The following NCKAP5 variants were observed in gnomAD, a reference collection of about 807,000 sequenced individuals.
The protein encoded by NCKAP5 is nck-associated protein 5.
In NCKAP5, 92 loss-of-function variants were observed where a neutral mutation model predicts 167.0. That is an observed-to-expected ratio of 0.55 (90% CI 0.47 to 0.66). NCKAP5 has a LOEUF of 0.66. NCKAP5 is among the 30% of genes least tolerant of loss of function. The pLI, the probability that NCKAP5 is intolerant of heterozygous loss-of-function variation, is 0.00. For synonymous variants in NCKAP5, 891 were observed against 877.4 expected (o/e 1.02, Z -0.27); for missense variants, 2,378 against 2,315.0 (o/e 1.03, Z -0.56).
chr2:132,890,363 G>T (rs1692596247), intron 8 of NCKAP5, among the ~76,000 whole-genome samples: 1 of 151,804 alleles, frequency 6.6e-6, no homozygotes, highest in Middle Eastern at 3.4e-3. Context: ...TATGCTAGGG[G>T]GTATACAAAG....
chr2:133,136,055 A>G (rs2082777096), intron 5 of NCKAP5, among the ~76,000 whole-genome samples: 1 of 152,204 alleles, frequency 6.6e-6, no homozygotes, highest in Non-Finnish European at 1.5e-5. Flanking sequence ...TATGATTTTG[A>G]TGTAAGAATG....
At chr2:133,221,017 G>A (rs933992124) in intron 4 of NCKAP5, among the ~76,000 whole-genome samples, 4 of 151,526 alleles carry the variant, frequency 2.6e-5, no homozygotes, top group East Asian at 1.9e-4. Flanking sequence ...TAAGTCTCAC[G>A]GTCACAAATA....
chr2:132,712,488 A>G (rs1002362106), intron 19 of NCKAP5, among the ~76,000 whole-genome samples: 1 of 152,070 alleles, frequency 6.6e-6, no homozygotes, highest in Non-Finnish European at 1.5e-5. Flanking sequence ...CGTCTTTACT[A>G]AAAATACAAA....
At chr2:132,869,064 T>C in intron 9 of NCKAP5, 90 bp from the exon 10 acceptor site, 4 of 865,248 alleles carry the variant, frequency 4.6e-6, no homozygotes, top group East Asian at 2.8e-5. Flanking sequence ...TCGCAGCTTA[T>C]TGTAGCTAAT....
intron 3 of NCKAP5, among the ~76,000 whole-genome samples, chr2:133,423,120 A>C (rs1689587514): frequency 6.6e-6 from 1 of 152,200 alleles, no homozygotes; most frequent in Non-Finnish European, 1.5e-5. Flanking sequence ...TTCTAGTTCC[A>C]CATGCACACT....
chr2:133,543,568 C>T (rs1686407307), intron 2 of NCKAP5, among the ~76,000 whole-genome samples: 1 of 152,152 alleles, frequency 6.6e-6, no homozygotes, highest in South Asian at 2.1e-4. Context: ...TCCTAAGTTT[C>T]AAAAATGAAA....
chr2:133,446,299 G>T (rs1691189093), intron 3 of NCKAP5, among the ~76,000 whole-genome samples: 1 of 152,148 alleles, frequency 6.6e-6, no homozygotes, highest in African/African-American at 2.4e-5. Flanking sequence ...GTTATAAATA[G>T]ATATGATATT....
At chr2:132,878,827 G>T in intron 9 of NCKAP5, 21 bp downstream of exon 9, 1 of 1,596,296 alleles carries the variant, frequency 6.3e-7, no homozygotes, top group Non-Finnish European at 8.6e-7. Context: ...CTTGGATCAG[G>T]AGCCTCTCCA....
chr2:133,056,798 AT>A (rs1336348498), intron 6 of NCKAP5, among the ~76,000 whole-genome samples: 1 of 152,176 alleles, frequency 6.6e-6, no homozygotes, highest in Admixed American at 6.5e-5. Flanking sequence ...TTGTTTGAAA[AT>A]TTTTGTCAAT....
intron 10 of NCKAP5, 81 bp downstream of exon 10, chr2:132,868,855 A>C: frequency 9.5e-7 from 1 of 1,048,384 alleles, no homozygotes; most frequent in Non-Finnish European, 1.3e-6. Context: ...TCTATCAATC[A>C]CAATTTCCTA....
intron 5 of NCKAP5, among the ~76,000 whole-genome samples, chr2:133,132,191 G>A (rs1194621983): frequency 2.6e-5 from 4 of 151,802 alleles, no homozygotes; most frequent in Non-Finnish European, 5.9e-5. Flanking sequence ...GGGAGGCTGA[G>A]GCAGTGAATT....
rs117188665 is a variant in NCKAP5 at position 133,019,106 on chromosome 2, C to T, written c.342-24867G>A. On this transcript the variant is annotated intron_variant, in intron 6 of 19. Transcript: ENST00000409261. ...ACTTTTCTACTGTGTCCTATGATAC[C>T]GTGGATTTCACTTCCTTAAACTTCT... Among the ~76,000 whole-genome samples the T allele has an allele frequency of 8.5e-5, 13 of 152,212 alleles. No individual in the cohort carries two copies. The East Asian group carries it at 2.3e-3, about 27-fold the overall frequency.
chr2:133,430,158 A>AT (rs1196512324), intron 3 of NCKAP5, among the ~76,000 whole-genome samples: 1 of 151,634 alleles, frequency 6.6e-6, no homozygotes, highest in Non-Finnish European at 1.5e-5. Flanking sequence ...GCTCTTCTTG[A>AT]TTTTTTAATT....
chr2:133,413,184 T>C (rs1192011594), intron 3 of NCKAP5, among the ~76,000 whole-genome samples: 1 of 152,168 alleles, frequency 6.6e-6, no homozygotes, highest in East Asian at 1.9e-4. Context: ...CACACAGCTA[T>C]AGGCACATGG....
chr2:133,317,953 G>A (rs1341300040), intron 3 of NCKAP5, among the ~76,000 whole-genome samples: 1 of 152,134 alleles, frequency 6.6e-6, no homozygotes, highest in African/African-American at 2.4e-5. Context: ...TCCCTTCAGG[G>A]GGCTGTGTAT....
chr2:132,920,780 T>C (rs1321437081), intron 8 of NCKAP5, among the ~76,000 whole-genome samples: 1 of 25,354 alleles, frequency 3.9e-5, no homozygotes, highest in Admixed American at 4.4e-4. Flanking sequence ...TGTATATATA[T>C]ATATATATAT....
At chr2:132,801,778 G>A (rs1685058292) in intron 11 of NCKAP5, among the ~76,000 whole-genome samples, 1 of 152,182 alleles carries the variant, frequency 6.6e-6, no homozygotes, top group Non-Finnish European at 1.5e-5. Context: ...TTCTGCATCT[G>A]TAATTCAAGG....
intron 5 of NCKAP5, among the ~76,000 whole-genome samples, chr2:133,182,101 T>C (rs953303597): frequency 6.6e-6 from 1 of 152,088 alleles, no homozygotes; most frequent in Non-Finnish European, 1.5e-5. Flanking sequence ...CTGGAAAATA[T>C]GTGAAATGGA....
chr2:133,533,290 C>G (rs1006524115), intron 2 of NCKAP5, among the ~76,000 whole-genome samples: 1 of 152,206 alleles, frequency 6.6e-6, no homozygotes, highest in Non-Finnish European at 1.5e-5. Context: ...GTTCACTTTA[C>G]CAAACTCTTC....
Sources: gnomAD v4.1 joint callset for allele counts (sites outside exome capture counted in the v4.1 genomes callset) on GRCh38, gnomAD v4.1.1 for gene constraint, MANE v1.5 for transcripts, NCBI Gene and HGNC (gene_info 2026-07-23, HGNC 2026-07-21) for gene names.